DNAH2: variants seen among roughly 807,000 people sequenced by gnomAD.
The protein encoded by DNAH2 is dynein axonemal heavy chain 2, also known as axonemal beta dynein heavy chain 2.
Under a neutral mutation model 523.5 loss-of-function variants are expected in DNAH2, and 323 were observed. That is an observed-to-expected ratio of 0.62 (90% confidence interval 0.56 to 0.68). The LOEUF is 0.68. DNAH2 is among the 30% of genes least tolerant of loss of function. The probability of loss-of-function intolerance (pLI) is 0.00; values close to 1 mark genes in which losing one functional copy is unlikely to be tolerated. For missense variants in DNAH2, 4,907 were observed against 5,701.5 expected (o/e 0.86, Z 4.49); for synonymous variants, 2,093 against 2,177.4 (o/e 0.96, Z 1.08).
Position 7,765,671 on chromosome 17 carries a change from C to A in DNAH2, c.3511+106C>A. On this transcript the variant is annotated intron_variant, in intron 21 of 85. Transcript: ENST00000572933. ...AGAACTGGGAGGGGAGGAGGAGGGT[C>A]GGTGCTGGGGTGGGGGAAGAGCCTC... 13 of 1,335,422 alleles carry A rather than the reference C, an allele frequency of 9.7e-6. No individual in the cohort carries two copies. The South Asian group carries it at 1.4e-4, about 14-fold the overall frequency. 82.7% of individuals were successfully genotyped at this position (1,335,422 alleles called of 1,614,324 possible). A position where few individuals can be genotyped will look rare whatever the true frequency, so the allele number is the denominator to read the frequency against.
At position 7,759,027 on chromosome 17, in the gene DNAH2, A is replaced by G. The variant is rs1408692363; in HGVS notation, c.2351A>G (p.His784Arg). 1 of 1,614,202 alleles carries G rather than the reference A, an allele frequency of 6.2e-7. No individual in the cohort carries two copies. ...DLEFEEDQRE[H>R]RAAVQQKLMN... Reference sequence around the variant, plus strand: ...GAATTTGAAGAGGACCAAAGAGAGCATCGGGCAGCTGTACAGCAGAAATTG... The same window carrying G: ...GAATTTGAAGAGGACCAAAGAGAGCGTCGGGCAGCTGTACAGCAGAAATTG... The change falls in exon 15 of 86, where the codon CAT becomes CGT. Residue 784 changes from histidine to arginine, a missense_variant. His to Arg is a conservative substitution (Grantham distance 29). Around this residue, in one of 3 missense-constraint regions of DNAH2, gnomAD observed 2,806 missense variants for 3,190.8 expected, o/e 0.88. Transcript: ENST00000572933.
intron 35 of DNAH2, among the ~76,000 whole-genome samples, 200 bp from the exon 36 acceptor site, chr17:7,779,043 A>C (rs1175808430): frequency 6.6e-6 from 1 of 152,194 alleles, no homozygotes; most frequent in African/African-American, 2.4e-5. Flanking sequence ...CACCTTTTCT[A>C]GCATCACCCC....
Position 7,727,117 on chromosome 17 carries a change from T to G in DNAH2, c.229-5T>G. 6.5e-7 allele frequency: 1 copy of G among 1,546,796 alleles called. No homozygotes were observed. Among genetic ancestry groups the G allele is most frequent in the Non-Finnish European group, 8.7e-7 (1 of 1,154,512 alleles). ...TTACTTTGGCCCTCTGCTCTCCTTC[T>G]GTAGAAGCCCCTCTTCCTTTCCCGA... On this transcript the variant is annotated splice_polypyrimidine_tract_variant and splice_region_variant and intron_variant, in intron 3 of 85. Coordinates refer to ENST00000572933, the MANE Select transcript of DNAH2 (RefSeq NM_020877.5).
intron 10 of DNAH2, 84 bp downstream of exon 10, chr17:7,740,633 C>A (rs374506037): frequency 1.1e-4 from 180 of 1,575,102 alleles, no homozygotes; most frequent in Middle Eastern, 8.8e-4. Flanking sequence ...CCTGCCTCCA[C>A]GTGTGCCCTT....
chr17:7,820,911 C>T (rs921535313), intron 72 of DNAH2, among the ~76,000 whole-genome samples: 1 of 152,098 alleles, frequency 6.6e-6, no homozygotes, highest in East Asian at 1.9e-4. Context: ...TGGTGATGGG[C>T]TCCTGTAATC....
rs2075929825 is a variant in DNAH2 at position 7,759,088 on chromosome 17, C to T, written c.2412C>T (p.Thr804=). ...NLHQDVVTIM[T]NSYEVFKNDG... ...ACCAGGATGTGGTGACCATCATGACCAACTCCTATGAGGTCTTCAAGAATG... is the reference window on the plus strand; with the variant it reads ...ACCAGGATGTGGTGACCATCATGACTAACTCCTATGAGGTCTTCAAGAATG... The change falls in exon 15 of 86, where the codon ACC becomes ACT. Residue 804 remains threonine (T), a synonymous_variant. Transcript: ENST00000572933. 6.2e-7 allele frequency: 1 copy of T among 1,614,136 alleles called. No homozygotes were observed. The highest frequency in any genetic ancestry group is 1.7e-5 in the Admixed American group (1 of 60,000).
At chr17:7,830,186 C>A in intron 77 of DNAH2, 114 bp from the exon 78 acceptor site, 1 of 1,155,752 alleles carries the variant, frequency 8.7e-7, no homozygotes, top group South Asian at 1.5e-5. Flanking sequence ...TCCACTCACC[C>A]TTTCAGCCAG....
rs2078217484 is a variant in DNAH2 at position 7,832,701 on chromosome 17, C to T, written c.12849C>T (p.Thr4283=). The T allele has an allele frequency of 1.2e-6, 2 of 1,614,166 alleles. No homozygotes were observed. The highest frequency in any genetic ancestry group is 1.7e-6 in the Non-Finnish European group (2 of 1,180,036). ...PPVIFWLSGF[T]FPTGFLTAVL... is the part of the protein sequence containing the mutation. ...TGATCTTCTGGTTGTCTGGTTTCAC[C>T]TTTCCCACTGGCTTCCTCACTGCTG... is the stretch of plus-strand genomic sequence containing the variant. The change falls in exon 83 of 86, where the codon ACC becomes ACT. Residue 4283 remains threonine (T), a synonymous_variant. Transcript: ENST00000572933. The surrounding 1 kb of genome is among the most constrained non-coding windows in gnomAD (Gnocchi z 4.3).
chr17:7,779,945 A>G (rs1031221173), intron 36 of DNAH2, among the ~76,000 whole-genome samples: 26 of 152,310 alleles, frequency 1.7e-4, no homozygotes, highest in African/African-American at 6.0e-4. Context: ...GGCCATGCAG[A>G]AAGTAAGGAA....
chr17:7,719,996 T>C, intron 2 of DNAH2, 96 bp downstream of exon 2: 1 of 1,391,192 alleles, frequency 7.2e-7, no homozygotes, highest in Non-Finnish European at 9.4e-7. Flanking sequence ...CAGGCGCTGT[T>C]GCTTCTGGGC....
Position 7,731,954 on chromosome 17 carries a change from G to A in DNAH2, c.400-1133G>A, listed in dbSNP as rs532642927. Among the ~76,000 whole-genome samples, 222 of 150,654 alleles carry A rather than the reference G, an allele frequency of 1.5e-3. 1 individual carries two copies. Among genetic ancestry groups the A allele is most frequent in the Admixed American group, 2.4e-3 (36 of 15,066 alleles). On this transcript the variant is annotated intron_variant, in intron 4 of 85. Coordinates refer to ENST00000572933, the MANE Select transcript of DNAH2 (RefSeq NM_020877.5). Reference sequence around the variant, plus strand: ...TGAGGCAGGAGAATCGCTTGAACCCGGGAGGCGGAAGTTGTGGTGAGCTGA... The same window carrying A: ...TGAGGCAGGAGAATCGCTTGAACCCAGGAGGCGGAAGTTGTGGTGAGCTGA...
Position 7,759,834 on chromosome 17 carries a change from A to T in DNAH2, c.2681A>T (p.Asn894Ile). ...PTLQTLAGVVNDIGNHLFSTI... is the reference protein window; with the variant it reads ...PTLQTLAGVVIDIGNHLFSTI... ...CTGCAGACTTTGGCAGGTGTGGTCA[A>T]TGACATTGGCAACCACCTCTTTTCC... The change falls in exon 17 of 86, where the codon AAT becomes ATT. Residue 894 changes from asparagine to isoleucine, a missense_variant. Around this residue, in one of 3 missense-constraint regions of DNAH2, gnomAD observed 2,806 missense variants for 3,190.8 expected, o/e 0.88. Transcript: ENST00000572933. The T allele has an allele frequency of 6.2e-7, 1 of 1,614,174 alleles. No homozygotes were observed. Among genetic ancestry groups the T allele is most frequent in the Non-Finnish European group, 8.5e-7 (1 of 1,180,038 alleles).
rs1377086575 is a variant in DNAH2 at position 7,830,437 on chromosome 17, G to A, written c.11991G>A (p.Lys3997=). The stretch of plus-strand genomic sequence containing the variant: ...ACTCTGTGTTACTTGAACGCAAAAA[G>A]TTCCTGCAGCTTGGCTGGAACATCA... ...FFHSVLLERK[K]FLQLGWNIIY... is the part of the protein sequence containing the mutation. The change falls in exon 78 of 86, where the codon AAG becomes AAA. Residue 3997 remains lysine (K), a synonymous_variant. Transcript: ENST00000572933. 1 of 1,614,224 alleles carries A rather than the reference G, an allele frequency of 6.2e-7. No homozygotes were observed. The highest frequency in any genetic ancestry group is 1.7e-5 in the Admixed American group (1 of 60,026).
At chr17:7,775,513 C>A (rs2076424877) in intron 30 of DNAH2, among the ~76,000 whole-genome samples, 171 bp downstream of exon 30, 1 of 152,018 alleles carries the variant, frequency 6.6e-6, no homozygotes, top group Non-Finnish European at 1.5e-5. Context: ...TGGAGAAACC[C>A]CGTTTCTGCT....
At chr17:7,815,561 T>TACACACATATACAGGATCAC (rs2077637906) in intron 63 of DNAH2, among the ~76,000 whole-genome samples, 2 of 139,824 alleles carry the variant, frequency 1.4e-5, no homozygotes, top group Non-Finnish European at 1.6e-5. Context: ...TACAGGATCA[T>TACACACATATACAGGATCAC]ACACACATAT....
chr17:7,764,345 T>C, intron 20 of DNAH2, 72 bp downstream of exon 20: 3 of 1,532,462 alleles, frequency 2.0e-6, no homozygotes, highest in African/African-American at 1.4e-5. Context: ...CCCTTGGCTG[T>C]CCTCGGGGAG....
chr17:7,729,761 C>G (rs1346365342), intron 4 of DNAH2, among the ~76,000 whole-genome samples: 1 of 152,170 alleles, frequency 6.6e-6, no homozygotes, highest in East Asian at 1.9e-4. Flanking sequence ...AGATTTTTCA[C>G]TGCCTTAAAT....
At chr17:7,773,474 C>T (rs1273914467) in intron 28 of DNAH2, among the ~76,000 whole-genome samples, 7 of 152,100 alleles carry the variant, frequency 4.6e-5, no homozygotes, top group Non-Finnish European at 1.5e-5. Flanking sequence ...GTGTCCCCCC[C>T]ACCCACTGGG....
rs199844414 is a variant in DNAH2, at chr17:7,776,762, C to T, written c.4948-17C>T. 1.9e-6 allele frequency: 3 copies of T among 1,602,650 alleles called. No homozygotes were observed. In the East Asian group the frequency reaches 6.7e-5, roughly 36 times the overall value. Reference sequence around the variant, plus strand: ...CCAAGGACAGGGCTTTGGGACGTGGCTTCTGCACATCCCCAGGTGGTGATC... The same window carrying T: ...CCAAGGACAGGGCTTTGGGACGTGGTTTCTGCACATCCCCAGGTGGTGATC... On this transcript the variant is annotated splice_polypyrimidine_tract_variant and intron_variant, in intron 31 of 85. Transcript: ENST00000572933.
Sources: gnomAD v4.1 joint callset for allele counts (sites outside exome capture counted in the v4.1 genomes callset) on GRCh38, gnomAD v4.1.1 for gene constraint, gnomAD v4.1.1 regional missense constraint, Gnocchi (gnomAD v3.1) non-coding constraint, MANE v1.5 for transcripts, NCBI Gene and HGNC (gene_info 2026-07-23, HGNC 2026-07-21) for gene names.